Variants in TTC21B observed in about 807,000 individuals in gnomAD.
TTC21B encodes the protein tetratricopeptide repeat domain 21B, also known as tetratricopeptide repeat protein 21B.
A neutral mutation model predicts 175.1 loss-of-function variants in TTC21B; 127 were observed. That is an observed-to-expected ratio of 0.73 (90% CI 0.63 to 0.84). The LOEUF is 0.84. TTC21B is among the 40% of genes least tolerant of loss of function. The pLI is 0.00. For synonymous variants in TTC21B, 524 were observed against 524.5 expected (o/e 1.00, Z 0.01); for missense variants, 1,561 against 1,558.3 (o/e 1.00, Z -0.03).
chr2:165,937,852 T>C (rs987779945), intron 6 of TTC21B, among the ~76,000 whole-genome samples: 3 of 148,152 alleles, frequency 2.0e-5, no homozygotes, highest in Admixed American at 6.8e-5. Context: ...TTGAAAGATA[T>C]ATACATCAAA....
At chr2:165,911,947 G>C (rs1685964262) in intron 17 of TTC21B, among the ~76,000 whole-genome samples, 1 of 152,118 alleles carries the variant, frequency 6.6e-6, no homozygotes. Context: ...TTACAGGCGT[G>C]AGCCACCACA....
intron 9 of TTC21B, 81 bp downstream of exon 9, chr2:165,930,091 T>C (rs867973191): frequency 3.0e-6 from 4 of 1,351,426 alleles, no homozygotes; most frequent in Non-Finnish European, 3.1e-6. Flanking sequence ...ACAAAATCCA[T>C]GTGTTCTTCT....
intron 11 of TTC21B, among the ~76,000 whole-genome samples, chr2:165,926,507 T>C (rs1000962207): frequency 1.3e-5 from 2 of 152,138 alleles, no homozygotes; most frequent in Admixed American, 1.3e-4. Flanking sequence ...TCTCCTCGTG[T>C]CCCTTTGGGC....
rs1685237545 is a variant in TTC21B, at chr2:165,892,711, G to A, written c.2951-1723C>T. Among the ~76,000 whole-genome samples the A allele has an allele frequency of 2.0e-5, 3 of 152,140 alleles. No individual in the cohort carries two copies. In the South Asian group the frequency reaches 6.2e-4, roughly 32 times the overall value. Reference sequence around the variant, plus strand: ...AGAATGATGGTTGCCAGGGGCTCCGGGAAGAGGAATGAGGAACGAGGAACT... The same window carrying A: ...AGAATGATGGTTGCCAGGGGCTCCGAGAAGAGGAATGAGGAACGAGGAACT... On this transcript the variant is annotated intron_variant, in intron 22 of 28. Transcript: ENST00000243344.
chr2:165,888,263 A>G lies in TTC21B; in HGVS notation c.3459+16T>C, dbSNP rs1685074351. On this transcript the variant is annotated intron_variant, in intron 25 of 28. Transcript: ENST00000243344. ...ATAAAGATACCACATGAAGCTGAAA[A>G]AGGAAATCCACTAACCTCAGATGCT... 2 of 1,589,850 alleles carry G rather than the reference A, an allele frequency of 1.3e-6. No individual in the cohort carries two copies. Among genetic ancestry groups the G allele is most frequent in the Non-Finnish European group, 1.7e-6 (2 of 1,158,120 alleles).
intron 6 of TTC21B, among the ~76,000 whole-genome samples, chr2:165,939,846 AC>A (rs1291198449): frequency 1.3e-5 from 2 of 152,178 alleles, no homozygotes; most frequent in Non-Finnish European, 1.5e-5. Flanking sequence ...GGGTAAGAGC[AC>A]AGACTCTGGG....
chr2:165,914,691 G>GTGTC (rs1553511410), intron 15 of TTC21B, among the ~76,000 whole-genome samples: 2 of 148,250 alleles, frequency 1.3e-5, no homozygotes, highest in African/African-American at 5.2e-5. Flanking sequence ...GTGTGTGTGT[G>GTGTC]TGTGTGTTGT....
intron 15 of TTC21B, among the ~76,000 whole-genome samples, chr2:165,914,452 G>A (rs931816452): frequency 6.6e-6 from 1 of 151,938 alleles, no homozygotes. Flanking sequence ...CTAAACATGC[G>A]GTGCTGCTCA....
At chr2:165,939,469 T>C (rs927013249) in intron 6 of TTC21B, among the ~76,000 whole-genome samples, 9 of 152,180 alleles carry the variant, frequency 5.9e-5, no homozygotes, top group African/African-American at 2.2e-4. Context: ...AAAGGTATAT[T>C]TGTATTACCT....
At chr2:165,946,839 G>A (rs993295208) in intron 3 of TTC21B, among the ~76,000 whole-genome samples, 9 of 151,810 alleles carry the variant, frequency 5.9e-5, no homozygotes, top group Non-Finnish European at 1.5e-5. Context: ...ATATGGTTAA[G>A]GATCACTGTA....
chr2:165,932,719 T>C (rs1300744966), intron 7 of TTC21B, among the ~76,000 whole-genome samples: 1 of 152,120 alleles, frequency 6.6e-6, no homozygotes, highest in African/African-American at 2.4e-5. Context: ...GAAAGCCATA[T>C]ATACTATAAT....
intron 26 of TTC21B, among the ~76,000 whole-genome samples, chr2:165,883,358 C>T (rs1211304176): frequency 6.6e-6 from 1 of 151,976 alleles, no homozygotes; most frequent in Non-Finnish European, 1.5e-5. Context: ...AAGATTTTCT[C>T]CCACAAAATA....
chr2:165,926,135 G>T (rs554523236), intron 11 of TTC21B, among the ~76,000 whole-genome samples: 1 of 152,174 alleles, frequency 6.6e-6, no homozygotes, highest in Admixed American at 6.6e-5. Context: ...TATGAAAACA[G>T]TATCACATAT....
At chr2:165,936,221 CTT>C (rs1413307952) in intron 6 of TTC21B, among the ~76,000 whole-genome samples, 3 of 152,060 alleles carry the variant, frequency 2.0e-5, no homozygotes, top group Non-Finnish European at 2.9e-5. Flanking sequence ...AAAAGACACT[CTT>C]TTCAATAAAT....
At chr2:165,912,226 T>C (rs1685976904) in intron 17 of TTC21B, among the ~76,000 whole-genome samples, 1 of 152,200 alleles carries the variant, frequency 6.6e-6, no homozygotes, top group African/African-American at 2.4e-5. Flanking sequence ...TCATGTTTTG[T>C]TACACAATGA....
At chr2:165,935,072 T>C (rs1470756986) in intron 6 of TTC21B, among the ~76,000 whole-genome samples, 8 of 152,202 alleles carry the variant, frequency 5.3e-5, no homozygotes, top group Non-Finnish European at 1.0e-4. Flanking sequence ...CTACATTATC[T>C]TTCCCTTTCT....
intron 17 of TTC21B, among the ~76,000 whole-genome samples, chr2:165,912,109 A>G (rs1685971640): frequency 6.6e-6 from 1 of 152,212 alleles, no homozygotes; most frequent in South Asian, 2.1e-4. Flanking sequence ...TACCAGGAAT[A>G]GGGCAAGAAT....
At position 165,880,757 on chromosome 2, in the gene TTC21B, T is replaced by C; in HGVS notation, c.3727A>G (p.Lys1243Glu). ...GCAGCATCTGTATATGCTTGCTCTT[T>C]TTCCATAATGTATCCCATATATTCA... ...AYEYMGYIME[K>E]EQAYTDAALN... The change falls in exon 27 of 29, where the codon AAA (lysine) becomes GAA (glutamate). Residue 1243 changes from lysine to glutamate, a missense_variant. By Grantham distance (56) the Lys-to-Glu change is moderately conservative (BLOSUM62 1). Transcript: ENST00000243344. 1 of 1,613,324 alleles carries C rather than the reference T, an allele frequency of 6.2e-7. No individual in the cohort carries two copies. The highest frequency in any genetic ancestry group is 8.5e-7 in the Non-Finnish European group (1 of 1,179,750).
chr2:165,877,764 C>T (rs1684714246), intron 27 of TTC21B, among the ~76,000 whole-genome samples: 1 of 152,100 alleles, frequency 6.6e-6, no homozygotes, highest in Non-Finnish European at 1.5e-5. Context: ...TCTCTACACA[C>T]ACACACATGC....
Sources: gnomAD v4.1 joint callset for allele counts (sites outside exome capture counted in the v4.1 genomes callset) on GRCh38, gnomAD v4.1.1 for gene constraint, MANE v1.5 for transcripts, NCBI Gene and HGNC (gene_info 2026-07-23, HGNC 2026-07-21) for gene names.